Variants in STK39 observed in about 807,000 individuals in gnomAD.
The protein encoded by STK39 is serine/threonine kinase 39, also known as STE20/SPS1-related proline-alanine-rich protein kinase.
In STK39, 20 loss-of-function variants were observed where a neutral mutation model predicts 77.8. That is an observed-to-expected ratio of 0.26 (90% CI 0.18 to 0.37). STK39 has a LOEUF of 0.37. Among genes scored for constraint, STK39 ranks in the 10% least tolerant of loss-of-function variants. STK39 has a pLI of 1.00. For missense variants in STK39, 479 were observed against 656.5 expected (o/e 0.73, Z 2.95); for synonymous variants, 246 against 234.1 (o/e 1.05, Z -0.47).
chr2:168,047,741 G>A (rs1685281459), intron 14 of STK39, among the ~76,000 whole-genome samples: 1 of 152,214 alleles, frequency 6.6e-6, no homozygotes, highest in Non-Finnish European at 1.5e-5. Flanking sequence ...GTGTCAGAAA[G>A]GTGGTTTGCT....
intron 16 of STK39, among the ~76,000 whole-genome samples, chr2:167,990,057 A>T (rs975191875): frequency 4.8e-5 from 7 of 146,770 alleles, no homozygotes; most frequent in Non-Finnish European, 1.1e-4. Context: ...ACTAAACTGT[A>T]AAAAAAAAAA....
chr2:168,180,635 C>T (rs1689061794), intron 2 of STK39, among the ~76,000 whole-genome samples: 1 of 152,058 alleles, frequency 6.6e-6, no homozygotes, highest in African/African-American at 2.4e-5. Flanking sequence ...ATGCGTTTTC[C>T]AACTCAGAGA....
intron 3 of STK39, among the ~76,000 whole-genome samples, chr2:168,165,481 G>C (rs1444759887): frequency 6.6e-6 from 1 of 152,108 alleles, no homozygotes; most frequent in South Asian, 2.1e-4. Flanking sequence ...AATGCCTTAA[G>C]ATCATCTTGT....
At chr2:168,084,713 G>C (rs1471799262) in intron 10 of STK39, among the ~76,000 whole-genome samples, 2 of 152,244 alleles carry the variant, frequency 1.3e-5, no homozygotes, top group African/African-American at 4.8e-5. Context: ...TGAGCAGAGA[G>C]AGATGAGCTA....
At chr2:168,081,638 G>A (rs909116262) in intron 10 of STK39, among the ~76,000 whole-genome samples, 3 of 152,158 alleles carry the variant, frequency 2.0e-5, no homozygotes, top group African/African-American at 4.8e-5. Flanking sequence ...GTGAGGACAT[G>A]CGATTTGGGA....
chr2:168,161,466 A>C (rs1330131022), intron 5 of STK39, among the ~76,000 whole-genome samples: 1 of 152,224 alleles, frequency 6.6e-6, no homozygotes, highest in East Asian at 1.9e-4. Context: ...CTATCGAAAA[A>C]TGTTTTTACA....
chr2:168,235,696 C>T (rs926871014), intron 1 of STK39, among the ~76,000 whole-genome samples: 4 of 146,816 alleles, frequency 2.7e-5, no homozygotes, highest in Admixed American at 7.1e-5. Flanking sequence ...TGAGTGAGAA[C>T]ATGCGGTGTT....
intron 5 of STK39, among the ~76,000 whole-genome samples, chr2:168,160,637 G>T (rs1409406933): frequency 6.6e-6 from 1 of 152,130 alleles, no homozygotes; most frequent in Non-Finnish European, 1.5e-5. Context: ...TCTTAAGAAG[G>T]TTTGGTAACT....
chr2:168,097,477 T>C (rs1320661682), intron 10 of STK39, among the ~76,000 whole-genome samples: 1 of 152,104 alleles, frequency 6.6e-6, no homozygotes, highest in African/African-American at 2.4e-5. Flanking sequence ...GTAATCCCAG[T>C]ACTTTGGGAG....
intron 16 of STK39, among the ~76,000 whole-genome samples, chr2:167,999,679 G>A (rs538200383): frequency 2.0e-5 from 3 of 152,138 alleles, no homozygotes; most frequent in Non-Finnish European, 2.9e-5. Context: ...AGCCAGGATG[G>A]TCTCGATTTC....
At chr2:168,135,555 C>A (rs1687809761) in intron 8 of STK39, among the ~76,000 whole-genome samples, 1 of 152,176 alleles carries the variant, frequency 6.6e-6, no homozygotes, top group Non-Finnish European at 1.5e-5. Flanking sequence ...CAAGAACTCT[C>A]CAATGACAAA....
chr2:168,221,667 G>A (rs1019774433), intron 1 of STK39, among the ~76,000 whole-genome samples: 1 of 152,108 alleles, frequency 6.6e-6, no homozygotes, highest in Admixed American at 6.5e-5. Flanking sequence ...CTCCACCAGA[G>A]AATTACCTCA....
chr2:168,171,209 G>C (rs1179489994), intron 2 of STK39, among the ~76,000 whole-genome samples: 1 of 152,140 alleles, frequency 6.6e-6, no homozygotes, highest in African/African-American at 2.4e-5. Flanking sequence ...TAGCATGGAA[G>C]ATCCCCTATC....
At chr2:168,075,838 C>T (rs1178457285) in intron 10 of STK39, among the ~76,000 whole-genome samples, 2 of 152,138 alleles carry the variant, frequency 1.3e-5, no homozygotes, top group African/African-American at 2.4e-5. Context: ...CACTTTGTAG[C>T]ACTTATGAGA....
chr2:168,116,987 C>A (rs926581997), intron 10 of STK39, among the ~76,000 whole-genome samples: 3 of 152,220 alleles, frequency 2.0e-5, no homozygotes, highest in African/African-American at 7.2e-5. Flanking sequence ...AACGTATGTG[C>A]ATCCTGGCTC....
intron 8 of STK39, among the ~76,000 whole-genome samples, chr2:168,135,797 A>G (rs1687816669): frequency 6.6e-6 from 1 of 152,178 alleles, no homozygotes; most frequent in East Asian, 1.9e-4. Flanking sequence ...TGTGCCACTA[A>G]CAGTCTATAG....
intron 12 of STK39, among the ~76,000 whole-genome samples, chr2:168,072,380 T>G (rs1022257264): frequency 1.3e-5 from 2 of 152,196 alleles, no homozygotes; most frequent in African/African-American, 2.4e-5. Context: ...AAATCATTAT[T>G]CTATGTCTCT....
At chr2:168,135,929 T>C (rs913175833) in intron 8 of STK39, among the ~76,000 whole-genome samples, 6 of 150,974 alleles carry the variant, frequency 4.0e-5, no homozygotes, top group Non-Finnish European at 7.4e-5. Context: ...AAGAGAGTGG[T>C]CTCTGAAGGA....
intron 14 of STK39, among the ~76,000 whole-genome samples, chr2:168,018,876 A>G (rs1332766983): frequency 1.3e-5 from 2 of 152,174 alleles, no homozygotes; most frequent in East Asian, 3.8e-4. Context: ...GAGGCCCACA[A>G]GGATACACAG....
Sources: gnomAD v4.1 joint callset for allele counts (sites outside exome capture counted in the v4.1 genomes callset) on GRCh38, gnomAD v4.1.1 for gene constraint, MANE v1.5 for transcripts, NCBI Gene and HGNC (gene_info 2026-07-23, HGNC 2026-07-21) for gene names.